IFT74: variants seen among roughly 807,000 people sequenced by gnomAD.
IFT74 encodes the protein intraflagellar transport 74, also known as intraflagellar transport protein 74 homolog.
Under a neutral mutation model 96.7 loss-of-function variants are expected in IFT74, and 92 were observed. The ratio of observed to expected loss-of-function variants is 0.95; its 90% confidence interval spans 0.80 to 1.13. The LOEUF (loss-of-function observed/expected upper bound fraction) is 1.13. IFT74 is among the 50% of genes most tolerant of loss of function. The probability of loss-of-function intolerance (pLI) is 0.00; values close to 1 mark genes in which losing one functional copy is unlikely to be tolerated. For missense variants in IFT74, 811 were observed against 698.2 expected (o/e 1.16, Z -1.82); for synonymous variants, 223 against 213.2 (o/e 1.05, Z -0.40).
intron 8 of IFT74, chr9:26,998,031 T>C: frequency 6.2e-7 from 1 of 1,613,872 alleles, no homozygotes; most frequent in Non-Finnish European, 8.5e-7. Context: ...ATTTCTAGAC[T>C]GGAGAGGTTA....
intron 8 of IFT74, chr9:26,997,750 C>A: frequency 6.2e-7 from 1 of 1,608,508 alleles, no homozygotes; most frequent in South Asian, 1.1e-5. Flanking sequence ...TTGATGTGTT[C>A]AACCAGTTCT....
chr9:27,007,581 A>G (rs1269821858), intron 8 of IFT74, among the ~76,000 whole-genome samples: 1 of 152,202 alleles, frequency 6.6e-6, no homozygotes, highest in Non-Finnish European at 1.5e-5. Flanking sequence ...TTGAAATTCC[A>G]GGTTGCTTTA....
intron 8 of IFT74, among the ~76,000 whole-genome samples, chr9:27,004,712 G>T (rs1023928491): frequency 1.3e-5 from 2 of 151,962 alleles, no homozygotes; most frequent in East Asian, 1.9e-4. Context: ...GATTTTTTTT[G>T]AAATGATAGT....
chr9:27,030,149 A>G (rs1160404312), intron 13 of IFT74, among the ~76,000 whole-genome samples: 1 of 152,200 alleles, frequency 6.6e-6, no homozygotes, highest in East Asian at 1.9e-4. Context: ...ATCATAGTTT[A>G]ACTGCAAACC....
At position 27,048,533 on chromosome 9, in the gene IFT74, T is replaced by A. The variant is rs6475954; in HGVS notation, c.1333+259T>A. Among the ~76,000 whole-genome samples, 37,283 of 152,126 alleles carry A rather than the reference T, an allele frequency of 0.25. 5,641 individuals are homozygous for A. The highest frequency in any genetic ancestry group is 0.7 in the East Asian group (3,632 of 5,174). On this transcript the variant is annotated intron_variant, in intron 16 of 19. Coordinates refer to ENST00000380062, the MANE Select transcript of IFT74 (RefSeq NM_025103.4). ...TTAAAGATAAACAAAGCTGGATGCA[T>A]GTTAAAGTGCTAAGGATAGATTTTA...
intron 19 of IFT74, 123 bp downstream of exon 19, chr9:27,060,774 C>A: frequency 1.9e-6 from 1 of 538,976 alleles, no homozygotes; most frequent in Non-Finnish European, 3.3e-6. Context: ...CTGGCTAACA[C>A]GGTGAAACCC....
In IFT74 at chr9:27,021,714, G is replaced by A. The variant is rs1334932289; in HGVS notation, c.974+3027G>A. 2.0e-5 allele frequency among the ~76,000 whole-genome samples: 3 copies of A among 151,856 alleles called. No homozygotes were observed. The East Asian group carries it at 5.8e-4, about 29-fold the overall frequency. On this transcript the variant is annotated intron_variant, in intron 12 of 19. Transcript: ENST00000380062. ...TCTTGCTGATTTGTTTGAACTTGTT[G>A]TAGATTCTAGATATTAGCCCTTTGT...
chr9:26,965,798 T>G (rs143714560), intron 2 of IFT74, among the ~76,000 whole-genome samples: 1 of 152,210 alleles, frequency 6.6e-6, no homozygotes, highest in East Asian at 1.9e-4. Flanking sequence ...ACTCATCTTT[T>G]GTAATCTTTA....
chr9:27,031,057 A>C (rs1018316778), intron 13 of IFT74, among the ~76,000 whole-genome samples: 3 of 152,182 alleles, frequency 2.0e-5, no homozygotes, highest in Non-Finnish European at 4.4e-5. Context: ...ATTTACAGGC[A>C]TGATCATAGC....
At chr9:27,030,611 G>A (rs1464361330) in intron 13 of IFT74, among the ~76,000 whole-genome samples, 2 of 151,008 alleles carry the variant, frequency 1.3e-5, no homozygotes, top group Admixed American at 6.6e-5. Flanking sequence ...TTGTGTATGT[G>A]TGTGCTAACT....
intron 6 of IFT74, among the ~76,000 whole-genome samples, chr9:26,986,839 T>G (rs557593348): frequency 7.8e-4 from 118 of 152,106 alleles, no homozygotes; most frequent in African/African-American, 2.8e-3. Flanking sequence ...CCCACAATGG[T>G]CTTGAACTCC....
At chr9:26,991,937 G>A (rs1827898954) in intron 8 of IFT74, among the ~76,000 whole-genome samples, 2 of 152,050 alleles carry the variant, frequency 1.3e-5, no homozygotes, top group South Asian at 4.1e-4. Context: ...ACTGAAGCAG[G>A]AGAATCACTT....
intron 13 of IFT74, among the ~76,000 whole-genome samples, chr9:27,038,920 G>A (rs995616533): frequency 6.6e-6 from 1 of 152,172 alleles, no homozygotes; most frequent in African/African-American, 2.4e-5. Context: ...GAAAAAAGGA[G>A]AAACAGCTTC....
At chr9:27,013,466 G>A (rs1285777851) in intron 10 of IFT74, among the ~76,000 whole-genome samples, 1 of 152,144 alleles carries the variant, frequency 6.6e-6, no homozygotes, top group Non-Finnish European at 1.5e-5. Flanking sequence ...GTTTAAAAAT[G>A]TTGTCAGATT....
chr9:27,059,960 G>T (rs1820342381), intron 18 of IFT74, among the ~76,000 whole-genome samples: 1 of 152,168 alleles, frequency 6.6e-6, no homozygotes, highest in African/African-American at 2.4e-5. Context: ...GAGTTACAAG[G>T]TTAATTAAAT....
In IFT74 at chr9:26,956,514, G is replaced by A. The variant is rs1326022966; in HGVS notation, c.-22G>A. 2.0e-5 allele frequency: 3 copies of A among 152,372 alleles called. No homozygotes were observed. The highest frequency in any genetic ancestry group is 2.9e-5 in the Non-Finnish European group (2 of 68,134). 9.4% of individuals were successfully genotyped at this position (152,372 alleles called of 1,614,324 possible). On this transcript the variant is annotated splice_region_variant and 5_prime_UTR_variant, in exon 1 of 20. Coordinates refer to ENST00000380062, the MANE Select transcript of IFT74 (RefSeq NM_025103.4). ...CAACTGCCCTCCTTCCGCGCCGGCG[G>A]AGGTGAGAATCCCCGGGTCCCATCT...
chr9:27,004,796 C>T (rs1025562050), intron 8 of IFT74, among the ~76,000 whole-genome samples: 10 of 151,588 alleles, frequency 6.6e-5, no homozygotes, highest in Admixed American at 6.6e-4. Flanking sequence ...ATATCAGTTT[C>T]TTTTGTTATT....
intron 2 of IFT74, among the ~76,000 whole-genome samples, chr9:26,974,302 G>C (rs1206876529): frequency 6.6e-6 from 1 of 152,002 alleles, no homozygotes; most frequent in Non-Finnish European, 1.5e-5. Context: ...CTTAGCGGTC[G>C]GTCTTCCCAA....
intron 14 of IFT74, among the ~76,000 whole-genome samples, chr9:27,047,047 C>G (rs576834427): frequency 6.6e-6 from 1 of 152,120 alleles, no homozygotes; most frequent in Non-Finnish European, 1.5e-5. Context: ...ATGGTGCATG[C>G]CTGTAGTCCC....
Sources: allele counts gnomAD v4.1 joint callset (sites outside exome capture counted in the v4.1 genomes callset), GRCh38; gene constraint gnomAD v4.1.1; transcripts MANE v1.5; gene names NCBI Gene and HGNC (gene_info 2026-07-23, HGNC 2026-07-21).